The following CDC14A variants were observed in gnomAD, a reference collection of about 807,000 sequenced individuals.
CDC14A encodes the protein dual specificity protein phosphatase CDC14A.
In CDC14A, 53 loss-of-function variants were observed where a neutral mutation model predicts 74.4. That is an observed-to-expected ratio of 0.71 (90% CI 0.57 to 0.89). CDC14A has a LOEUF of 0.89. CDC14A is among the 40% of genes least tolerant of loss of function. CDC14A has a pLI of 0.00. For synonymous variants in CDC14A, 247 were observed against 258.4 expected, an observed-to-expected ratio of 0.96 and a Z score of 0.43; for missense variants, 646 against 713.7, an observed-to-expected ratio of 0.91 and a Z score of 1.08.
At chr1:100,411,849 T>C (rs1660753351) in intron 4 of CDC14A, among the ~76,000 whole-genome samples, 1 of 152,138 alleles carries the variant, frequency 6.6e-6, no homozygotes, top group South Asian at 2.1e-4. Flanking sequence ...TCAGTGATAA[T>C]GGCAAGTTGG....
Position 100,472,237 on chromosome 1 carries a change from A to G in CDC14A, c.977+4143A>G, listed in dbSNP as rs548170379. ...GATTCACCCTCATTAGCTATTTCTT[A>G]TCTTTTGGTACAGCTATCTGTTGGA... On this transcript the variant is annotated intron_variant, in intron 10 of 15. Transcript: ENST00000336454. Among the ~76,000 whole-genome samples the G allele has an allele frequency of 5.3e-5, 8 of 152,308 alleles. No individual in the cohort carries two copies. The East Asian group carries it at 1.5e-3, about 29-fold the overall frequency.
intron 5 of CDC14A, among the ~76,000 whole-genome samples, chr1:100,433,629 C>T (rs1051277585): frequency 6.6e-6 from 1 of 152,240 alleles, no homozygotes; most frequent in African/African-American, 2.4e-5. Flanking sequence ...AGACACTGTG[C>T]TTCTGTTCTC....
At chr1:100,504,274 G>A (rs1160996179) in intron 15 of CDC14A, among the ~76,000 whole-genome samples, 1 of 152,188 alleles carries the variant, frequency 6.6e-6, no homozygotes, top group Non-Finnish European at 1.5e-5. Flanking sequence ...AACATTTGCA[G>A]GGATATTCTC....
At chr1:100,494,075 CAATAAAT>C (rs2101415903) in intron 11 of CDC14A, among the ~76,000 whole-genome samples, 1 of 152,220 alleles carries the variant, frequency 6.6e-6, no homozygotes, top group African/African-American at 2.4e-5. Flanking sequence ...CATCTTGGGA[CAATAAAT>C]CTAATTTTGA....
intron 5 of CDC14A, among the ~76,000 whole-genome samples, chr1:100,438,276 CTTTA>C (rs200067827): frequency 0.02 from 2,995 of 151,936 alleles, 106 homozygotes; most frequent in African/African-American, 0.069. Context: ...CATATTTAAA[CTTTA>C]TTTAAATGTA....
chr1:100,484,033 A>T lies in CDC14A; in HGVS notation c.978-259A>T, dbSNP rs192024551. On this transcript the variant is annotated intron_variant, in intron 10 of 15. Transcript: ENST00000336454. ...TATTGCTGTGGAATTTGTTCTAAGC[A>T]TCTGAGGACTTCAGCAGTCAACTAT... Among the ~76,000 whole-genome samples, 273 of 152,310 alleles carry T rather than the reference A, an allele frequency of 1.8e-3. 2 individuals carry two copies. Among genetic ancestry groups the T allele is most frequent in the African/African-American group, 6.3e-3 (263 of 41,598 alleles).
intron 8 of CDC14A, among the ~76,000 whole-genome samples, chr1:100,459,857 T>A: frequency 6.6e-6 from 1 of 152,238 alleles, no homozygotes; most frequent in South Asian, 2.1e-4. Context: ...TCATAGGACA[T>A]TTCCATTGTT....
Position 100,491,933 on chromosome 1 carries a change from G to A in CDC14A, c.1138-2885G>A, listed in dbSNP as rs187713639. Among the ~76,000 whole-genome samples, 921 of 149,328 alleles carry A rather than the reference G, an allele frequency of 6.2e-3. 25 individuals carry two copies. The highest frequency in any genetic ancestry group is 5.3e-3 in the South Asian group (25 of 4,674). ...GTGGTCGTCACCACCGCAGCCACCC[G>A]AGAGGAGCTGGGGAAGAACAGTGGC... On this transcript the variant is annotated intron_variant, in intron 11 of 15. Coordinates refer to ENST00000336454, the MANE Select transcript of CDC14A (RefSeq NM_003672.4).
chr1:100,433,332 G>A (rs1663939150), intron 5 of CDC14A, among the ~76,000 whole-genome samples: 1 of 152,048 alleles, frequency 6.6e-6, no homozygotes, highest in Non-Finnish European at 1.5e-5. Flanking sequence ...CTATACTCTG[G>A]GCCAATAGAC....
intron 2 of CDC14A, among the ~76,000 whole-genome samples, chr1:100,365,999 A>T (rs1653545146): frequency 6.7e-6 from 1 of 150,144 alleles, no homozygotes; most frequent in African/African-American, 2.5e-5. Context: ...GTTTTGGAGG[A>T]TACTGCTATT....
At chr1:100,439,249 T>C (rs1298325046) in intron 5 of CDC14A, among the ~76,000 whole-genome samples, 2 of 152,224 alleles carry the variant, frequency 1.3e-5, no homozygotes, top group Admixed American at 1.3e-4. Context: ...TTTGGAAGCC[T>C]GACTACATTT....
At chr1:100,429,234 T>TAAATAAATAAATAAATAAAAAAA (rs60569646) in intron 5 of CDC14A, among the ~76,000 whole-genome samples, 1 of 146,428 alleles carries the variant, frequency 6.8e-6, no homozygotes, top group Non-Finnish European at 1.5e-5. Flanking sequence ...AATAAATAAA[T>TAAATAAATAAATAAATAAAAAAA]ATAAAATAAA....
At position 100,412,754 on chromosome 1, in the gene CDC14A, T is replaced by A. The variant is rs867570616; in HGVS notation, c.310-11468T>A. Among the ~76,000 whole-genome samples, 77 of 102,250 alleles carry A rather than the reference T, an allele frequency of 7.5e-4. 2 individuals are homozygous for A. The Middle Eastern group carries it at 0.027, about 36-fold the overall frequency. The allele number at this position is 102,250 out of a possible 152,430, so 67.1% of individuals were successfully genotyped here. On this transcript the variant is annotated intron_variant, in intron 4 of 15. Transcript: ENST00000336454. ...ATATATATATTTTATATATATATAT[T>A]TTATATATATATATTATATATATAT...
At chr1:100,399,630 G>C (rs1438655240) in intron 4 of CDC14A, among the ~76,000 whole-genome samples, 1 of 152,104 alleles carries the variant, frequency 6.6e-6, no homozygotes, top group Non-Finnish European at 1.5e-5. Flanking sequence ...TTTATTAACT[G>C]TTTGAAAACT....
At chr1:100,469,619 C>T (rs1668190868) in intron 10 of CDC14A, among the ~76,000 whole-genome samples, 1 of 152,196 alleles carries the variant, frequency 6.6e-6, no homozygotes, top group South Asian at 2.1e-4. Context: ...ACCAAATACT[C>T]CTAAGCCTAG....
chr1:100,456,871 T>G (rs1020874733), intron 8 of CDC14A, among the ~76,000 whole-genome samples: 1 of 152,218 alleles, frequency 6.6e-6, no homozygotes, highest in African/African-American at 2.4e-5. Context: ...ACCTCTATGG[T>G]GAAGTCAGAA....
At chr1:100,404,401 T>C (rs1397801857) in intron 4 of CDC14A, among the ~76,000 whole-genome samples, 1 of 152,236 alleles carries the variant, frequency 6.6e-6, no homozygotes, top group Non-Finnish European at 1.5e-5. Flanking sequence ...TTGCTTTTCC[T>C]GTGCCTATCT....
At chr1:100,386,409 T>C (rs1209761834) in intron 3 of CDC14A, among the ~76,000 whole-genome samples, 1 of 152,242 alleles carries the variant, frequency 6.6e-6, no homozygotes, top group Non-Finnish European at 1.5e-5. Context: ...AGTGTTTTTG[T>C]AACCTGTGAG....
chr1:100,352,309 C>T (rs988121860), upstream of CDC14A, among the ~76,000 whole-genome samples: 26 of 152,116 alleles, frequency 1.7e-4, no homozygotes, highest in Non-Finnish European at 2.9e-4. Context: ...GCAACCGGCT[C>T]CTAGTGACCC....
Sources: gnomAD v4.1 joint callset for allele counts (sites outside exome capture counted in the v4.1 genomes callset) on GRCh38, gnomAD v4.1.1 for gene constraint, MANE v1.5 for transcripts, NCBI Gene and HGNC (gene_info 2026-07-23, HGNC 2026-07-21) for gene names.